Variants in PPP2R5E observed in about 807,000 individuals in gnomAD.
PPP2R5E encodes serine/threonine-protein phosphatase 2A 56 kDa regulatory subunit epsilon isoform.
A neutral mutation model predicts 65.3 loss-of-function variants in PPP2R5E; 4 were observed. The ratio of observed to expected loss-of-function variants is 0.06; its 90% CI spans 0.03 to 0.14. PPP2R5E has a LOEUF of 0.14. PPP2R5E is among the 10% of genes least tolerant of loss of function. PPP2R5E has a pLI of 1.00. For missense variants in PPP2R5E, 274 were observed against 556.1 expected, an observed-to-expected ratio of 0.49 and a Z score of 5.10; for synonymous variants, 183 against 187.4, an observed-to-expected ratio of 0.98 and a Z score of 0.19.
rs1050593600 is a variant in PPP2R5E, at chr14:63,422,176, G to C, written c.355-82C>G. The C allele has an allele frequency of 5.5e-6, 6 of 1,100,510 alleles. No individual in the cohort carries two copies. The Admixed American group carries it at 1.1e-4, about 19-fold the overall frequency. The allele number at this position is 1,100,510 out of a possible 1,614,324, so 68.2% of individuals were successfully genotyped here. ...AAGGTCCTTGGAGCCAAGCTGAGGG[G>C]AACCCAGATAACAATGCACAAGGAA... On this transcript the variant is annotated intron_variant, in intron 3 of 13. Coordinates refer to ENST00000337537, the MANE Select transcript of PPP2R5E (RefSeq NM_006246.5).
chr14:63,465,568 G>A (rs926529604), intron 2 of PPP2R5E, among the ~76,000 whole-genome samples: 1 of 151,984 alleles, frequency 6.6e-6, no homozygotes, highest in Non-Finnish European at 1.5e-5. Context: ...AGAAGCTGCC[G>A]TGAGCCGTGA....
chr14:63,417,213 T>TA (rs1165340393), intron 4 of PPP2R5E, among the ~76,000 whole-genome samples: 13 of 152,310 alleles, frequency 8.5e-5, no homozygotes, highest in African/African-American at 1.4e-4. Flanking sequence ...ATACAGTATC[T>TA]AAAAAATCAC....
At chr14:63,482,879 T>C (rs1890784217) in intron 2 of PPP2R5E, among the ~76,000 whole-genome samples, 1 of 152,200 alleles carries the variant, frequency 6.6e-6, no homozygotes, top group Non-Finnish European at 1.5e-5. Context: ...ACAAATAATT[T>C]TGAGCATTTT....
rs867737396 is a variant in PPP2R5E at position 63,537,934 on chromosome 14, G to A, written c.157+1595C>T. Among the ~76,000 whole-genome samples the A allele has an allele frequency of 2.8e-4, 42 of 152,280 alleles. 1 individual carries two copies. Among genetic ancestry groups the A allele is most frequent in the African/African-American group, 9.9e-4 (41 of 41,566 alleles). On this transcript the variant is annotated intron_variant, in intron 2 of 13. Transcript: ENST00000337537. Reference sequence around the variant, plus strand: ...TTCATAAACATGAAGCAAACATGATGAAAATTAAAAGGGACAAAAAGTAAC... The same window carrying A: ...TTCATAAACATGAAGCAAACATGATAAAAATTAAAAGGGACAAAAAGTAAC...
chr14:63,454,007 C>A, intron 2 of PPP2R5E, 122 bp from the exon 3 acceptor site: 1 of 754,300 alleles, frequency 1.3e-6, no homozygotes, highest in Non-Finnish European at 2.0e-6. Flanking sequence ...CAACAGTGTT[C>A]TTTTTCACAG....
intron 13 of PPP2R5E, among the ~76,000 whole-genome samples, chr14:63,377,363 T>C (rs1416280581): frequency 1.3e-5 from 2 of 152,182 alleles, no homozygotes; most frequent in Non-Finnish European, 2.9e-5. Flanking sequence ...GTAATTCCAA[T>C]GCCTCATTTT....
intron 3 of PPP2R5E, among the ~76,000 whole-genome samples, chr14:63,438,027 A>T (rs570916783): frequency 6.6e-6 from 1 of 152,242 alleles, no homozygotes; most frequent in East Asian, 1.9e-4. Flanking sequence ...TTCAGAGGCA[A>T]CTTGCTCCTG....
chr14:63,518,580 G>GT (rs1334576323), intron 2 of PPP2R5E, among the ~76,000 whole-genome samples: 2 of 151,868 alleles, frequency 1.3e-5, no homozygotes, highest in African/African-American at 2.4e-5. Context: ...GAGACTTGAT[G>GT]TTTTTTTGTT....
chr14:63,393,157 A>G (rs1326863971), intron 8 of PPP2R5E, among the ~76,000 whole-genome samples: 2 of 152,220 alleles, frequency 1.3e-5, no homozygotes, highest in Non-Finnish European at 2.9e-5. Context: ...AATATTCAAG[A>G]ACATTAAAAC....
In PPP2R5E at chr14:63,491,673, C is replaced by T. The variant is rs189366209; in HGVS notation, c.158-37788G>A. Among the ~76,000 whole-genome samples the T allele has an allele frequency of 1.3e-3, 200 of 152,116 alleles. 1 individual carries two copies. The highest frequency in any genetic ancestry group is 4.6e-3 in the African/African-American group (191 of 41,536). ...CACCAGCCTGGCCAACATGGGAAAA[C>T]CCCGTCTCTGCTAAAAATACAAAAT... On this transcript the variant is annotated intron_variant, in intron 2 of 13. Coordinates refer to ENST00000337537, the MANE Select transcript of PPP2R5E (RefSeq NM_006246.5).
chr14:63,526,511 T>C (rs933487697), intron 2 of PPP2R5E, among the ~76,000 whole-genome samples: 5 of 152,292 alleles, frequency 3.3e-5, no homozygotes, highest in Admixed American at 2.6e-4. Flanking sequence ...TCTGTCTCTC[T>C]GTCTCTCTTT....
rs780284654 is a variant in PPP2R5E, at chr14:63,382,079, G to T, written c.1281C>A (p.Ala427=). The T allele has an allele frequency of 1.4e-5, 23 of 1,613,364 alleles. No individual in the cohort carries two copies. The highest frequency in any genetic ancestry group is 1.4e-5 in the Non-Finnish European group (17 of 1,179,598). Reference sequence around the variant, plus strand: ...ACCGCTGACGATCTGACTTGTATGTGGCTGTCAGCTCGTCAAACATGGTGC... The same window carrying T: ...ACCGCTGACGATCTGACTTGTATGTTGCTGTCAGCTCGTCAAACATGGTGC... The part of the protein sequence containing the change: ...MNSTMFDELT[A]TYKSDRQREK... The change falls in exon 13 of 14, where the codon GCC becomes GCA. Residue 427 remains alanine (A), a synonymous_variant. Coordinates refer to ENST00000337537, the MANE Select transcript of PPP2R5E (RefSeq NM_006246.5).
chr14:63,501,076 G>C (rs1194136598), intron 2 of PPP2R5E, among the ~76,000 whole-genome samples: 1 of 152,130 alleles, frequency 6.6e-6, no homozygotes, highest in Non-Finnish European at 1.5e-5. Flanking sequence ...TCAGACACTT[G>C]TAAGAGGGAG....
intron 2 of PPP2R5E, among the ~76,000 whole-genome samples, chr14:63,509,874 T>G (rs1432513030): frequency 6.6e-6 from 1 of 152,174 alleles, no homozygotes; most frequent in East Asian, 1.9e-4. Context: ...ATTTGGTACG[T>G]AGATCTGAGT....
intron 2 of PPP2R5E, among the ~76,000 whole-genome samples, chr14:63,484,387 A>AC (rs1566736526): frequency 0.018 from 2,649 of 150,660 alleles, 93 homozygotes; most frequent in African/African-American, 0.061. Context: ...ACACACACAC[A>AC]AAGAATCGTA....
chr14:63,453,522 A>G (rs778500974), intron 3 of PPP2R5E, 167 bp downstream of exon 3: 18 of 515,728 alleles, frequency 3.5e-5, no homozygotes, highest in Middle Eastern at 3.1e-4. Flanking sequence ...TCATGAAATC[A>G]TGCTCTTCAA....
At chr14:63,454,546 C>T (rs974358893) in intron 2 of PPP2R5E, among the ~76,000 whole-genome samples, 1 of 152,190 alleles carries the variant, frequency 6.6e-6, no homozygotes, top group Non-Finnish European at 1.5e-5. Flanking sequence ...TGAGAGAAAA[C>T]CACTAACATC....
At chr14:63,390,084 T>TA (rs1250589686) in intron 10 of PPP2R5E, among the ~76,000 whole-genome samples, 70 of 152,008 alleles carry the variant, frequency 4.6e-4, no homozygotes, top group African/African-American at 1.6e-3. Context: ...ACTTTTTTTT[T>TA]TAAAAAAAAC....
intron 2 of PPP2R5E, among the ~76,000 whole-genome samples, chr14:63,533,089 C>A (rs1226407773): frequency 6.6e-6 from 1 of 152,096 alleles, no homozygotes; most frequent in Non-Finnish European, 1.5e-5. Context: ...CCCACCTCGA[C>A]CTGCCAAAGT....
Sources: allele counts gnomAD v4.1 joint callset (sites outside exome capture counted in the v4.1 genomes callset), GRCh38; gene constraint gnomAD v4.1.1; transcripts MANE v1.5; gene names NCBI Gene and HGNC (gene_info 2026-07-23, HGNC 2026-07-21).